The following FOXJ3 variants were observed in gnomAD, a reference collection of about 807,000 sequenced individuals.
FOXJ3 encodes forkhead box J3.
In FOXJ3, 22 loss-of-function variants were observed where a neutral mutation model predicts 76.1. That is an observed-to-expected ratio of 0.29 (90% CI 0.21 to 0.41). FOXJ3 has a LOEUF of 0.41. FOXJ3 is among the 10% of genes least tolerant of loss of function. The probability of loss-of-function intolerance (pLI) is 1.00; values close to 1 mark genes in which losing one functional copy is unlikely to be tolerated. For synonymous variants in FOXJ3, 269 were observed against 261.2 expected (o/e 1.03, Z -0.29); for missense variants, 613 against 762.1 (o/e 0.80, Z 2.30).
intron 4 of FOXJ3, among the ~76,000 whole-genome samples, chr1:42,230,114 A>G (rs1170007958): frequency 1.3e-5 from 2 of 152,218 alleles, no homozygotes; most frequent in Admixed American, 6.5e-5. Context: ...CCTATCCACT[A>G]GGTATTCATA....
At chr1:42,278,234 CTA>C (rs1652441350) in intron 3 of FOXJ3, 112 bp downstream of exon 3, 1 of 811,030 alleles carries the variant, frequency 1.2e-6, no homozygotes, top group Non-Finnish European at 1.9e-6. Context: ...CTAAAAATCA[CTA>C]GAGATCAAAA....
chr1:42,280,849 TAA>T (rs915783901), intron 2 of FOXJ3, among the ~76,000 whole-genome samples: 14 of 152,190 alleles, frequency 9.2e-5, no homozygotes, highest in Non-Finnish European at 2.1e-4. Context: ...GTATTGGTAA[TAA>T]GAGTAGTTGC....
intron 4 of FOXJ3, among the ~76,000 whole-genome samples, chr1:42,230,603 G>A (rs767425024): frequency 8.5e-5 from 13 of 152,222 alleles, no homozygotes; most frequent in Non-Finnish European, 1.6e-4. Context: ...CATCATATGA[G>A]GTCAGGCATG....
chr1:42,258,185 T>TCTTTGG (rs1650754435), intron 4 of FOXJ3, among the ~76,000 whole-genome samples: 1 of 152,260 alleles, frequency 6.6e-6, no homozygotes, highest in South Asian at 2.1e-4. Flanking sequence ...GTCCCTGACT[T>TCTTTGG]CTTTGGCTTT....
chr1:42,221,332 A>G (rs1647182066), intron 5 of FOXJ3, among the ~76,000 whole-genome samples: 1 of 152,238 alleles, frequency 6.6e-6, no homozygotes, highest in African/African-American at 2.4e-5. Flanking sequence ...AACATTAGAA[A>G]ATAGCCAAGA....
rs375589929 is a variant in FOXJ3 at position 42,324,098 on chromosome 1, T to TAC, written c.-18+10959_-18+10960dup. On this transcript the variant is annotated intron_variant, in intron 1 of 12. Transcript: ENST00000361346. ...ATATATAGTATATATACTGTATATA[T>TAC]ACTGTGTATATACACTGTATATACA... Among the ~76,000 whole-genome samples, 44 of 5,828 alleles carry TAC rather than the reference T, an allele frequency of 7.5e-3. 3 individuals are homozygous for TAC. The highest frequency in any genetic ancestry group is 0.04 in the South Asian group (5 of 124). The allele number at this position is 5,828 out of a possible 152,430, so 3.8% of individuals were successfully genotyped here.
chr1:42,212,957 C>CAAAAAAAAAAA (rs1209892066), intron 5 of FOXJ3, among the ~76,000 whole-genome samples: 1 of 65,288 alleles, frequency 1.5e-5, no homozygotes, highest in Non-Finnish European at 2.8e-5. Context: ...TTGTATCTAG[C>CAAAAAAAAAAA]AAAAAAAAAA....
chr1:42,191,744 T>C, intron 8 of FOXJ3, 25 bp from the exon 9 acceptor site: 1 of 1,598,366 alleles, frequency 6.3e-7, no homozygotes, highest in Non-Finnish European at 8.6e-7. Context: ...AGATCATTTA[T>C]GGTCAGATTT....
chr1:42,332,119 C>T (rs1254078949), intron 1 of FOXJ3, among the ~76,000 whole-genome samples: 1 of 152,094 alleles, frequency 6.6e-6, no homozygotes, highest in African/African-American at 2.4e-5. Flanking sequence ...AACACCCTGC[C>T]CTTGTAGAAA....
intron 2 of FOXJ3, among the ~76,000 whole-genome samples, chr1:42,306,773 A>C (rs74071429): frequency 0.029 from 4,364 of 152,318 alleles, 214 homozygotes; most frequent in African/African-American, 0.098. Flanking sequence ...ATATAATTTC[A>C]CAGTGTTTAA....
At chr1:42,187,560 G>T (rs1314198638) in intron 11 of FOXJ3, among the ~76,000 whole-genome samples, 3 of 151,974 alleles carry the variant, frequency 2.0e-5, no homozygotes, top group Non-Finnish European at 4.4e-5. Context: ...TGCAAGAAAA[G>T]ATTTTAAAAA....
At chr1:42,220,026 T>C (rs910397129) in intron 5 of FOXJ3, among the ~76,000 whole-genome samples, 18 of 152,220 alleles carry the variant, frequency 1.2e-4, no homozygotes, top group African/African-American at 4.3e-4. Flanking sequence ...AGTTTACATT[T>C]CTAACAAGTG....
At chr1:42,181,160 CT>C (rs1172373979) in intron 12 of FOXJ3, among the ~76,000 whole-genome samples, 3 of 152,204 alleles carry the variant, frequency 2.0e-5, no homozygotes, top group African/African-American at 7.2e-5. Context: ...AAACAACGGA[CT>C]CTGAATCCAG....
intron 6 of FOXJ3, among the ~76,000 whole-genome samples, chr1:42,201,621 A>T (rs1478102265): frequency 6.6e-6 from 1 of 152,228 alleles, no homozygotes; most frequent in Non-Finnish European, 1.5e-5. Context: ...GGGTTAAATT[A>T]GACAACATTT....
chr1:42,231,401 G>T (rs1279695454), intron 4 of FOXJ3, among the ~76,000 whole-genome samples: 1 of 152,072 alleles, frequency 6.6e-6, no homozygotes, highest in South Asian at 2.1e-4. Flanking sequence ...GACAAATATT[G>T]TATGATTCCA....
intron 1 of FOXJ3, 114 bp from the exon 2 acceptor site, chr1:42,311,224 A>G (rs1654789121): frequency 2.0e-5 from 13 of 660,924 alleles, no homozygotes; most frequent in Non-Finnish European, 3.3e-5. Flanking sequence ...GTTCTACTAA[A>G]GAATTCTACT....
intron 1 of FOXJ3, among the ~76,000 whole-genome samples, chr1:42,324,632 T>C (rs534020875): frequency 1.3e-5 from 2 of 152,204 alleles, no homozygotes; most frequent in South Asian, 4.1e-4. Flanking sequence ...CCATGCTATA[T>C]GGTACAGCCT....
intron 2 of FOXJ3, among the ~76,000 whole-genome samples, chr1:42,279,563 G>T (rs1332178115): frequency 6.6e-6 from 1 of 152,078 alleles, no homozygotes; most frequent in Non-Finnish European, 1.5e-5. Context: ...ACCACACAAA[G>T]AAAGAAAACT....
chr1:42,235,567 TTTG>T (rs1648551449), intron 4 of FOXJ3, among the ~76,000 whole-genome samples: 1 of 139,444 alleles, frequency 7.2e-6, no homozygotes, highest in African/African-American at 2.5e-5. Context: ...TTTGTGTTTT[TTTG>T]TTTTTTTTTT....
Sources: gnomAD v4.1 joint callset for allele counts (sites outside exome capture counted in the v4.1 genomes callset) on GRCh38, gnomAD v4.1.1 for gene constraint, MANE v1.5 for transcripts, NCBI Gene and HGNC (gene_info 2026-07-23, HGNC 2026-07-21) for gene names.